Variants in C11orf65 observed in about 807,000 individuals in gnomAD.
C11orf65 encodes the protein chromosome 11 open reading frame 65.
C11orf65 carries 38 observed loss-of-function variants against 35.3 expected under a neutral mutation model. The ratio of observed to expected loss-of-function variants is 1.08; its 90% confidence interval spans 0.83 to 1.41. C11orf65 has a LOEUF of 1.41. Ranked by LOEUF, C11orf65 falls within the 40% of genes most tolerant of loss-of-function variation. The pLI is 0.00. For missense variants in C11orf65, 370 were observed against 367.1 expected, an observed-to-expected ratio of 1.01 and a Z score of -0.06; for synonymous variants, 105 against 114.4, an observed-to-expected ratio of 0.92 and a Z score of 0.53.
intron 6 of C11orf65, among the ~76,000 whole-genome samples, chr11:108,312,109 A>T (rs987536593): frequency 6.6e-6 from 1 of 152,194 alleles, no homozygotes. Flanking sequence ...CCACTGACAG[A>T]GTATATAGTA....
At chr11:108,354,900 TA>T (rs1565582842) in intron 2 of C11orf65, 3 of 1,589,510 alleles carry the variant, frequency 1.9e-6, no homozygotes, top group Non-Finnish European at 2.6e-6. Context: ...AGGAAGACTT[TA>T]TTTTTTTTCT....
intron 7 of C11orf65, among the ~76,000 whole-genome samples, chr11:108,387,146 TTC>T (rs1247278110): frequency 4.6e-4 from 53 of 115,488 alleles, no homozygotes; most frequent in Middle Eastern, 4.5e-3. Flanking sequence ...TTTTCTTTCT[TTC>T]TTTTTTTTTT....
chr11:108,364,964 C>T (rs1385949429), intron 2 of C11orf65: 3 of 1,134,548 alleles, frequency 2.6e-6, no homozygotes, highest in Non-Finnish European at 2.6e-6. Context: ...GATGTTTGTT[C>T]CCCTCCCCCA....
At chr11:108,367,521 C>T (rs770124832) in intron 2 of C11orf65, 5 of 204,742 alleles carry the variant, frequency 2.4e-5, no homozygotes, top group Non-Finnish European at 5.0e-5. Context: ...ACTACTGACT[C>T]GTGTATTAGT....
chr11:108,332,611 T>C, intron 3 of C11orf65: 1 of 841,442 alleles, frequency 1.2e-6, no homozygotes, highest in South Asian at 1.7e-5. Flanking sequence ...TGTATTTCAT[T>C]TATGACTGTT....
chr11:108,423,446 C>A (rs865841383), intron 3 of C11orf65, among the ~76,000 whole-genome samples: 1 of 152,182 alleles, frequency 6.6e-6, no homozygotes. Flanking sequence ...TTTCCCCTCA[C>A]AGAGCACCTG....
chr11:108,335,899 A>G lies in C11orf65; in HGVS notation c.227-607T>C, dbSNP rs1060501577. 6.2e-7 allele frequency: 1 copy of G among 1,614,086 alleles called. No individual in the cohort carries two copies. The highest frequency in any genetic ancestry group is 8.5e-7 in the Non-Finnish European group (1 of 1,179,966). ...CATGCAACAGGTCTTCCAGATGTGT[A>G]ATACATTACTGCAGAGAAACACGGA... On this transcript the variant is annotated intron_variant, in intron 2 of 3. Transcript: ENST00000524755.
chr11:108,407,506 G>C (rs1220566265), intron 3 of C11orf65, among the ~76,000 whole-genome samples: 1 of 144,800 alleles, frequency 6.9e-6, no homozygotes, highest in African/African-American at 2.5e-5. Flanking sequence ...TTTTTGTAGA[G>C]ACAAGAGTCT....
At chr11:108,432,031 A>G (rs891176192) in intron 2 of C11orf65, among the ~76,000 whole-genome samples, 193 bp from the exon 3 acceptor site, 1 of 152,214 alleles carries the variant, frequency 6.6e-6, no homozygotes, top group Non-Finnish European at 1.5e-5. Context: ...ATTCTCACAA[A>G]GAGATTTATT....
At chr11:108,330,173 G>A, downstream of C11orf65, 1 of 1,590,122 alleles carries the variant, frequency 6.3e-7, no homozygotes, top group Non-Finnish European at 8.6e-7. Flanking sequence ...TTCTGTTAAA[G>A]TTCATGGCTT....
chr11:108,431,923 ATAAAG>A (rs1196275503), intron 2 of C11orf65, 85 bp from the exon 3 acceptor site: 5 of 650,650 alleles, frequency 7.7e-6, no homozygotes. Flanking sequence ...GCAAAAACGA[ATAAAG>A]TACCATAAAA....
chr11:108,395,133 A>T (rs898311237), intron 6 of C11orf65, among the ~76,000 whole-genome samples: 41 of 106,020 alleles, frequency 3.9e-4, no homozygotes, highest in African/African-American at 1.4e-3. Flanking sequence ...CTTAACTCTT[A>T]AAAAAAAAAA....
chr11:108,327,705 G>A (rs144497088), downstream of C11orf65: 1 of 1,614,034 alleles, frequency 6.2e-7, no homozygotes, highest in Non-Finnish European at 8.5e-7. Flanking sequence ...CAACTGGTTA[G>A]CAGAAACGTG....
intron 2 of C11orf65, among the ~76,000 whole-genome samples, chr11:108,356,688 T>C (rs941897768): frequency 1.8e-4 from 28 of 152,190 alleles, no homozygotes; most frequent in South Asian, 2.1e-4. Context: ...AGTACTTGTA[T>C]CCTACCTAAC....
At chr11:108,354,773 T>C (rs2137341062) in intron 2 of C11orf65, 1 of 1,545,522 alleles carries the variant, frequency 6.5e-7, no homozygotes, top group Non-Finnish European at 8.9e-7. Flanking sequence ...AACATTGGTG[T>C]GTAACAAAAT....
intron 2 of C11orf65, among the ~76,000 whole-genome samples, chr11:108,432,682 A>G (rs1176511024): frequency 6.6e-6 from 1 of 152,218 alleles, no homozygotes; most frequent in Admixed American, 6.5e-5. Context: ...AACCCATAGT[A>G]CCAATATAAC....
chr11:108,361,529 A>G (rs75709264), intron 2 of C11orf65, among the ~76,000 whole-genome samples: 70 of 152,112 alleles, frequency 4.6e-4, no homozygotes, highest in Middle Eastern at 3.4e-3. Context: ...GAGGCATCAC[A>G]CTACCTGACT....
intron 3 of C11orf65, among the ~76,000 whole-genome samples, chr11:108,424,489 C>A (rs143913943): frequency 1.3e-5 from 2 of 152,176 alleles, no homozygotes; most frequent in South Asian, 2.1e-4. Context: ...TCTCCCAATA[C>A]AGGAACACTC....
intron 2 of C11orf65, among the ~76,000 whole-genome samples, chr11:108,339,935 AT>A (rs958071566): frequency 6.6e-6 from 1 of 152,170 alleles, no homozygotes; most frequent in Non-Finnish European, 1.5e-5. Context: ...GAGATCATTC[AT>A]TTGTTTATTC....
Sources: gnomAD v4.1 joint callset for allele counts (sites outside exome capture counted in the v4.1 genomes callset) on GRCh38, gnomAD v4.1.1 for gene constraint, MANE v1.5 for transcripts, NCBI Gene and HGNC (gene_info 2026-07-23, HGNC 2026-07-21) for gene names.